The following OR6B1 variants were observed in gnomAD, a reference collection of about 807,000 sequenced individuals.
The protein encoded by OR6B1 is olfactory receptor 6B1.
Under a neutral mutation model 15.4 loss-of-function variants are expected in OR6B1, and 15 were observed. The observed-to-expected ratio is 0.97, with a 90% CI of 0.65 to 1.50. The LOEUF (loss-of-function observed/expected upper bound fraction) is 1.50, where lower values mean the gene tolerates loss of function less well. Ranked by LOEUF, OR6B1 falls within the 40% of genes most tolerant of loss-of-function variation. The pLI, the probability that OR6B1 is intolerant of heterozygous loss-of-function variation, is 0.00. For missense variants in OR6B1, 384 were observed against 385.0 expected (o/e 1.00, Z 0.02); for synonymous variants, 139 against 144.9 (o/e 0.96, Z 0.29).
At chr7:144,001,520 G>A (rs1268239245) in intron 1 of OR6B1, among the ~76,000 whole-genome samples, 1 of 152,096 alleles carries the variant, frequency 6.6e-6, no homozygotes, top group Non-Finnish European at 1.5e-5. Context: ...TGAATCTCTG[G>A]TTTGGCAACC....
At position 144,004,217 on chromosome 7, in the gene OR6B1, T is replaced by A. The variant is rs771364657; in HGVS notation, c.221T>A (p.Ile74Asn). ...CTGTCCTTCTTGGAGACCTGGTACA[T>A]CTCTGTGACTGTGCCCAAGTTACTG... The part of the protein sequence containing the change: ...ANLSFLETWY[I>N]SVTVPKLLFS... Residue 74 changes from isoleucine (I) to asparagine (N), a missense_variant, in exon 2 of 2, where the codon ATC (isoleucine) becomes AAC (asparagine). Transcript: ENST00000641698. 29 of 1,614,088 alleles carry A rather than the reference T, an allele frequency of 1.8e-5. No individual in the cohort carries two copies. Among genetic ancestry groups the A allele is most frequent in the Non-Finnish European group, 2.3e-5 (27 of 1,180,038 alleles).
chr7:144,001,736 C>A (rs111564287), intron 1 of OR6B1, among the ~76,000 whole-genome samples: 3,510 of 152,290 alleles, frequency 0.023, 151 homozygotes, highest in African/African-American at 0.08. Flanking sequence ...CACTCACTCA[C>A]AACTTGCCCA....
intron 1 of OR6B1, among the ~76,000 whole-genome samples, chr7:144,002,734 A>T (rs932553932): frequency 4.6e-5 from 7 of 151,900 alleles, no homozygotes; most frequent in African/African-American, 1.7e-4. Flanking sequence ...CTTGTTTCCG[A>T]CTGCTTTTAG....
chr7:144,004,875 A>G lies in OR6B1; in HGVS notation c.879A>G (p.Arg293=). Reference sequence around the variant, plus strand: ...CTTTCATTTATTGCCTAAGAAACCGAGAGGTCAAGGAAGCTCTGAAGAAAC... The same window carrying G: ...CTTTCATTTATTGCCTAAGAAACCGGGAGGTCAAGGAAGCTCTGAAGAAAC... ...LNPFIYCLRN[R]EVKEALKKLA... is the part of the protein sequence containing the mutation. The change falls in exon 2 of 2, where the codon CGA becomes CGG. Residue 293 remains arginine (R), a synonymous_variant. Coordinates refer to ENST00000641698, the MANE Select transcript of OR6B1 (RefSeq NM_001005281.3). 6.2e-7 allele frequency: 1 copy of G among 1,611,966 alleles called. No individual in the cohort carries two copies. The highest frequency in any genetic ancestry group is 8.5e-7 in the Non-Finnish European group (1 of 1,179,978).
At chr7:144,002,119 A>ATAGAGTG (rs1246483576) in intron 1 of OR6B1, among the ~76,000 whole-genome samples, 1 of 152,124 alleles carries the variant, frequency 6.6e-6, no homozygotes, top group African/African-American at 2.4e-5. Context: ...AGTGTGTTTC[A>ATAGAGTG]CTCTAGTGGT....
rs1213454237 is a variant in OR6B1 at position 144,008,094 on chromosome 7, C to T, written c.*3162C>T. Reference sequence around the variant, plus strand: ...AGCTTGATTTTGGACTCCTGGCCTCCAGAACTATAAGACAATATATTTCTG... The same window carrying T: ...AGCTTGATTTTGGACTCCTGGCCTCTAGAACTATAAGACAATATATTTCTG... On this transcript the variant is annotated 3_prime_UTR_variant, in exon 2 of 2. Coordinates refer to ENST00000641698, the MANE Select transcript of OR6B1 (RefSeq NM_001005281.3). 1 of 152,172 alleles carries T rather than the reference C, an allele frequency of 6.6e-6. No individual in the cohort carries two copies. Among genetic ancestry groups the T allele is most frequent in the African/African-American group, 2.4e-5 (1 of 41,416 alleles). The allele number at this position is 152,172 out of a possible 1,614,324, so 9.4% of individuals were successfully genotyped here.
rs2050609225 is a variant in OR6B1, at chr7:144,004,486, T to G, written c.490T>G (p.Ser164Ala). The G allele has an allele frequency of 8.1e-6, 13 of 1,614,200 alleles. No homozygotes were observed. Among genetic ancestry groups the G allele is most frequent in the Non-Finnish European group, 1.1e-5 (13 of 1,180,040 alleles). The change falls in exon 2 of 2, where the codon TCC (serine) becomes GCC (alanine). Residue 164 changes from serine (S) to alanine (A), a missense_variant. Transcript: ENST00000641698. Reference protein sequence around the residue: ...GISLAKIYFISCLSFCGPNVI... With the variant: ...GISLAKIYFIACLSFCGPNVI... ...CTCCCTGGCGAAGATCTACTTCATC[T>G]CCTGCCTCAGCTTCTGTGGTCCCAA... is the stretch of plus-strand genomic sequence containing the variant.
chr7:144,004,734 C>A lies in OR6B1; in HGVS notation c.738C>A (p.Val246=), dbSNP rs2116975865. ...FSTCASHLVV[V]TIFYSAIIFM... ...CTTGTGCCTCCCATCTTGTGGTGGTCACCATTTTCTATTCAGCCATTATTT... is the reference window on the plus strand; with the variant it reads ...CTTGTGCCTCCCATCTTGTGGTGGTAACCATTTTCTATTCAGCCATTATTT... Residue 246 remains valine (V), a synonymous_variant, in exon 2 of 2, where the codon GTC becomes GTA. Coordinates refer to ENST00000641698, the MANE Select transcript of OR6B1 (RefSeq NM_001005281.3). The A allele has an allele frequency of 6.2e-7, 1 of 1,614,202 alleles. No individual in the cohort carries two copies. Among genetic ancestry groups the A allele is most frequent in the East Asian group, 2.2e-5 (1 of 44,886 alleles).
intron 1 of OR6B1, among the ~76,000 whole-genome samples, chr7:144,002,386 ATAGT>A (rs755845848): frequency 8.5e-5 from 13 of 152,358 alleles, no homozygotes; most frequent in Non-Finnish European, 1.6e-4. Flanking sequence ...AGATAGTAAG[ATAGT>A]TAGTAAATGA....
rs1413537164 is a variant in OR6B1, at chr7:144,007,057, G to A, written c.*2125G>A. The A allele has an allele frequency of 1.3e-5, 2 of 152,172 alleles. No individual in the cohort carries two copies. The highest frequency in any genetic ancestry group is 2.4e-5 in the African/African-American group (1 of 41,452). 9.4% of individuals were successfully genotyped at this position (152,172 alleles called of 1,614,324 possible). On this transcript the variant is annotated 3_prime_UTR_variant, in exon 2 of 2. Transcript: ENST00000641698. ...GTTGACTCCACATACTATAGTTATA[G>A]TTAACCTGGGAGGCTACAACTATCA...
rs1303176573 is a variant in OR6B1, at chr7:144,004,050, T to C, written c.54T>C (p.Pro18=). 1 of 1,614,070 alleles carries C rather than the reference T, an allele frequency of 6.2e-7. No individual in the cohort carries two copies. Among genetic ancestry groups the C allele is most frequent in the East Asian group, 2.2e-5 (1 of 44,880 alleles). The change falls in exon 2 of 2, where the codon CCT becomes CCC. Residue 18 remains proline (P), a synonymous_variant. Coordinates refer to ENST00000641698, the MANE Select transcript of OR6B1 (RefSeq NM_001005281.3). ...CCAAGTTCATTCTGGTGGGATTCCC[T>C]GGGAGCTTGAGTATGCGGGCAGCCA... ...RVTKFILVGF[P]GSLSMRAAMF... is the part of the protein sequence containing the mutation.
At chr7:144,001,696 C>G (rs896252038) in intron 1 of OR6B1, among the ~76,000 whole-genome samples, 9 of 152,192 alleles carry the variant, frequency 5.9e-5, no homozygotes, top group African/African-American at 2.2e-4. Flanking sequence ...CTCTCTCTTT[C>G]TCTTTCCATC....
Position 144,004,429 on chromosome 7 carries a change from G to A in OR6B1, c.433G>A (p.Ala145Thr), listed in dbSNP as rs199611986. ...GAGCCATGGGCTCTGCTTCCGCCTCGCTCTTGGTTCCTGGGCCATTGGCTT... is the reference window on the plus strand; with the variant it reads ...GAGCCATGGGCTCTGCTTCCGCCTCACTCTTGGTTCCTGGGCCATTGGCTT... ...IMSHGLCFRL[A>T]LGSWAIGFGI... The change falls in exon 2 of 2, where the codon GCT (alanine) becomes ACT (threonine). Residue 145 changes from alanine (A) to threonine (T), a missense_variant. Transcript: ENST00000641698. 6.3e-4 allele frequency: 1,016 copies of A among 1,614,126 alleles called. 1 individual carries two copies. Among genetic ancestry groups the A allele is most frequent in the Non-Finnish European group, 7.9e-4 (928 of 1,180,036 alleles).
At chr7:144,002,933 T>C (rs2050593834) in intron 1 of OR6B1, among the ~76,000 whole-genome samples, 1 of 152,200 alleles carries the variant, frequency 6.6e-6, no homozygotes, top group South Asian at 2.1e-4. Flanking sequence ...AGCCTTAATA[T>C]TACCTCCTCA....
chr7:144,004,387 C>T lies in OR6B1; in HGVS notation c.391C>T (p.His131Tyr), dbSNP rs1369493069. The T allele has an allele frequency of 3.1e-6, 5 of 1,614,226 alleles. No homozygotes were observed. The highest frequency in any genetic ancestry group is 4.2e-6 in the Non-Finnish European group (5 of 1,180,038). The change falls in exon 2 of 2, where the codon CAC becomes TAC. Residue 131 changes from histidine (H) to tyrosine (Y), a missense_variant. By Grantham distance (83) the His-to-Tyr change is moderately conservative. Coordinates refer to ENST00000641698, the MANE Select transcript of OR6B1 (RefSeq NM_001005281.3). ...GTATGTGGCCATCTGTCGCCCACTC[C>T]ACTACCCAACCATAATGAGCCATGG... ...DRYVAICRPL[H>Y]YPTIMSHGLC...
chr7:144,004,686 A>G lies in OR6B1; in HGVS notation c.690A>G (p.Thr230=), dbSNP rs1401271667. The G allele has an allele frequency of 1.7e-5, 28 of 1,614,102 alleles. No individual in the cohort carries two copies. The highest frequency in any genetic ancestry group is 2.2e-5 in the Non-Finnish European group (26 of 1,180,036). The change falls in exon 2 of 2, where the codon ACA becomes ACG. Residue 230 remains threonine (T), a synonymous_variant. Coordinates refer to ENST00000641698, the MANE Select transcript of OR6B1 (RefSeq NM_001005281.3). ...CILATILCMP[T]GKQKAFSTCA... is the part of the protein sequence containing the mutation. ...TGGCCACCATATTATGCATGCCCACAGGAAAGCAGAAAGCGTTCTCCACTT... is the reference window on the plus strand; with the variant it reads ...TGGCCACCATATTATGCATGCCCACGGGAAAGCAGAAAGCGTTCTCCACTT...
At position 144,006,277 on chromosome 7, in the gene OR6B1, A is replaced by G. The variant is rs1399344212; in HGVS notation, c.*1345A>G. 1.3e-5 allele frequency: 2 copies of G among 152,236 alleles called. No individual in the cohort carries two copies. Among genetic ancestry groups the G allele is most frequent in the Admixed American group, 6.5e-5 (1 of 15,280 alleles). 9.4% of individuals were successfully genotyped at this position (152,236 alleles called of 1,614,324 possible). The stretch of plus-strand genomic sequence containing the variant: ...CAAACCCTGGGTCTTTCTCTAGTGA[A>G]TGGGCTCTCCCTAGAGAGAAAACAT... On this transcript the variant is annotated 3_prime_UTR_variant, in exon 2 of 2. Transcript: ENST00000641698.
chr7:144,003,782 C>CACACAG (rs2050600099), intron 1 of OR6B1, 190 bp from the exon 2 acceptor site: 1 of 551,848 alleles, frequency 1.8e-6, no homozygotes, highest in Non-Finnish European at 3.2e-6. Context: ...ATCACACACA[C>CACACAG]ACACACACAC....
In OR6B1 at chr7:144,004,612, A is replaced by G. The variant is rs1465345184; in HGVS notation, c.616A>G (p.Ile206Val). 1.1e-5 allele frequency: 17 copies of G among 1,614,034 alleles called. No homozygotes were observed. The highest frequency in any genetic ancestry group is 1.3e-5 in the Non-Finnish European group (15 of 1,180,026). Reference sequence around the variant, plus strand: ...GGTAGACTTTATCCTGGCACTGGTCATCTTCCTATTCCCACTCTTTATTAC... The same window carrying G: ...GGTAGACTTTATCCTGGCACTGGTCGTCTTCCTATTCCCACTCTTTATTAC... ...ELVDFILALV[I>V]FLFPLFITVL... Residue 206 changes from isoleucine (I) to valine (V), a missense_variant, in exon 2 of 2, where the codon ATC (isoleucine) becomes GTC (valine). Physicochemically the swap from Ile to Val is conservative, Grantham distance 29 (BLOSUM62 3). Transcript: ENST00000641698.
Sources: allele counts gnomAD v4.1 joint callset (sites outside exome capture counted in the v4.1 genomes callset), GRCh38; gene constraint gnomAD v4.1.1; transcripts MANE v1.5; gene names NCBI Gene and HGNC (gene_info 2026-07-23, HGNC 2026-07-21).